The following ADAMTSL1 variants were observed in gnomAD, a reference collection of about 807,000 sequenced individuals.
The protein encoded by ADAMTSL1 is ADAMTS-like protein 1.
In ADAMTSL1, 126 loss-of-function variants were observed where a neutral mutation model predicts 201.8. The observed-to-expected ratio is 0.62, with a 90% CI of 0.54 to 0.72. ADAMTSL1 has a LOEUF of 0.72. Ranked by LOEUF, ADAMTSL1 falls within the 30% of genes least tolerant of loss-of-function variation. The probability of loss-of-function intolerance (pLI) is 0.00; values close to 1 mark genes in which losing one functional copy is unlikely to be tolerated. For missense variants in ADAMTSL1, 2,679 were observed against 2,277.8 expected, an observed-to-expected ratio of 1.18 and a Z score of -3.59; for synonymous variants, 1,121 against 903.4, an observed-to-expected ratio of 1.24 and a Z score of -4.32.
intron 15 of ADAMTSL1, among the ~76,000 whole-genome samples, chr9:18,737,297 C>A: frequency 9.2e-6 from 1 of 108,766 alleles, no homozygotes; most frequent in African/African-American, 3.5e-5. Context: ...CCAGCCTGCC[C>A]AACAAGAGTG....
At chr9:18,690,284 T>C (rs575267947) in intron 13 of ADAMTSL1, among the ~76,000 whole-genome samples, 1 of 152,284 alleles carries the variant, frequency 6.6e-6, no homozygotes, top group African/African-American at 2.4e-5. Context: ...TTATACCCAA[T>C]AAGTAGTCTA....
At position 18,067,168 on chromosome 9, in the gene ADAMTSL1, C is replaced by G. The variant is rs113087756; in HGVS notation, c.88-96694C>G. ...AAAATGCAAGTGGTTAAGGGTTAGC[C>G]TGACTCTTTAGATTCCAATCCCAGC... is the stretch of plus-strand genomic sequence containing the variant. On this transcript the variant is annotated intron_variant, in intron 1 of 29. Coordinates refer to the ADAMTSL1 transcript ENST00000680146. Among the ~76,000 whole-genome samples the G allele has an allele frequency of 5.2e-3, 789 of 152,242 alleles. 6 individuals are homozygous for G. The highest frequency in any genetic ancestry group is 0.018 in the African/African-American group (749 of 41,546).
intron 2 of ADAMTSL1, among the ~76,000 whole-genome samples, chr9:18,442,472 G>T (rs111418036): frequency 8.5e-4 from 129 of 152,230 alleles, no homozygotes; most frequent in African/African-American, 3.0e-3. Context: ...AAGCTGGGAG[G>T]CACTGGCTTT....
intron 3 of ADAMTSL1, among the ~76,000 whole-genome samples, chr9:18,553,446 A>C (rs746573716): frequency 5.3e-5 from 8 of 151,682 alleles, no homozygotes; most frequent in Non-Finnish European, 1.2e-4. Context: ...ATTTTTCTTA[A>C]CTCACAGATT....
At chr9:18,873,917 C>T (rs1313819239) in intron 23 of ADAMTSL1, among the ~76,000 whole-genome samples, 3 of 152,090 alleles carry the variant, frequency 2.0e-5, no homozygotes, top group African/African-American at 7.2e-5. Context: ...ATTGATTCTA[C>T]CCATCCTTGA....
At position 18,095,117 on chromosome 9, in the gene ADAMTSL1, A is replaced by T. The variant is rs1002851837; in HGVS notation, c.88-68745A>T. ...ACACCTGGGAGCTAGTTGCAAATGC[A>T]GATTATTAGACGCCACCTGAGACCT... On this transcript the variant is annotated intron_variant, in intron 1 of 29. Coordinates refer to the ADAMTSL1 transcript ENST00000680146. Among the ~76,000 whole-genome samples the T allele has an allele frequency of 2.6e-5, 4 of 152,306 alleles. No homozygotes were observed. In the East Asian group the frequency reaches 7.7e-4, roughly 29 times the overall value.
intron 7 of ADAMTSL1, among the ~76,000 whole-genome samples, chr9:18,645,707 A>G (rs1238875510): frequency 1.0e-4 from 15 of 145,900 alleles, no homozygotes; most frequent in African/African-American, 1.6e-4. Flanking sequence ...GTAGATATGC[A>G]GCATTATTTC....
At chr9:18,574,359 T>G in intron 4 of ADAMTSL1, 93 bp downstream of exon 4, 1 of 1,115,390 alleles carries the variant, frequency 9.0e-7, no homozygotes, top group Non-Finnish European at 1.4e-6. Context: ...GAATCACTCA[T>G]CTTTACACTT....
intron 2 of ADAMTSL1, among the ~76,000 whole-genome samples, chr9:18,447,427 C>T (rs1024967112): frequency 9.2e-5 from 14 of 152,170 alleles, no homozygotes; most frequent in African/African-American, 2.2e-4. Flanking sequence ...TGTCATTACT[C>T]ATTGAAATAA....
chr9:18,406,287 G>GTTTTTTCTTTTCTTTTCTT (rs1818190011), intron 2 of ADAMTSL1, among the ~76,000 whole-genome samples: 8 of 62,194 alleles, frequency 1.3e-4, no homozygotes, highest in Admixed American at 4.7e-4. Context: ...GTATAAGACA[G>GTTTTTTCTTTTCTTTTCTT]TTTTTTCTTT....
At chr9:17,932,108 C>G (rs1476927339) in intron 1 of ADAMTSL1, among the ~76,000 whole-genome samples, 1 of 152,138 alleles carries the variant, frequency 6.6e-6, no homozygotes, top group Non-Finnish European at 1.5e-5. Flanking sequence ...TGGGTCTTCC[C>G]CCCAAGTAGA....
intron 6 of ADAMTSL1, among the ~76,000 whole-genome samples, chr9:18,636,222 C>T (rs976697834): frequency 3.9e-5 from 6 of 152,112 alleles, no homozygotes; most frequent in African/African-American, 1.4e-4. Context: ...CACAGTCATC[C>T]TGAAAAATAC....
chr9:17,940,016 T>A (rs1431437832), intron 1 of ADAMTSL1, among the ~76,000 whole-genome samples: 1 of 151,760 alleles, frequency 6.6e-6, no homozygotes, highest in Non-Finnish European at 1.5e-5. Context: ...CATGGAAGCA[T>A]GAGAAAGGAG....
chr9:18,348,763 C>T (rs1835836055), intron 2 of ADAMTSL1, among the ~76,000 whole-genome samples: 1 of 152,024 alleles, frequency 6.6e-6, no homozygotes, highest in South Asian at 2.1e-4. Flanking sequence ...TACTTTCTTT[C>T]CATTGAACCT....
At chr9:18,452,500 AAAAGTCC>A (rs899460710) in intron 2 of ADAMTSL1, among the ~76,000 whole-genome samples, 11 of 152,234 alleles carry the variant, frequency 7.2e-5, no homozygotes, top group African/African-American at 2.4e-4. Flanking sequence ...GAACCAACTC[AAAAGTCC>A]AAAGTCCAAA....
At chr9:18,273,584 A>T (rs923679232) in intron 2 of ADAMTSL1, among the ~76,000 whole-genome samples, 2 of 152,222 alleles carry the variant, frequency 1.3e-5, no homozygotes, top group Non-Finnish European at 2.9e-5. Flanking sequence ...TCCAAATTTG[A>T]AAATATATTC....
intron 1 of ADAMTSL1, among the ~76,000 whole-genome samples, chr9:18,052,912 C>CT (rs1049493719): frequency 4.6e-5 from 7 of 151,970 alleles, no homozygotes; most frequent in Admixed American, 1.3e-4. Flanking sequence ...TGGTCACCTA[C>CT]TTTTTTTTCT....
intron 6 of ADAMTSL1, among the ~76,000 whole-genome samples, chr9:18,637,511 T>C (rs1047811976): frequency 6.6e-6 from 1 of 152,184 alleles, no homozygotes; most frequent in African/African-American, 2.4e-5. Context: ...CTCATAGATT[T>C]CATAATTATG....
intron 1 of ADAMTSL1, among the ~76,000 whole-genome samples, chr9:18,028,048 T>C (rs1481156402): frequency 6.6e-6 from 1 of 152,096 alleles, no homozygotes; most frequent in African/African-American, 2.4e-5. Flanking sequence ...CTCTCTTTGT[T>C]TTCCGTTTGT....
Sources: allele counts gnomAD v4.1 joint callset (sites outside exome capture counted in the v4.1 genomes callset), GRCh38; gene constraint gnomAD v4.1.1; transcripts MANE v1.5; gene names NCBI Gene and HGNC (gene_info 2026-07-23, HGNC 2026-07-21).